Variants in GRIP1 observed in about 807,000 individuals in gnomAD.
GRIP1 encodes the protein glutamate receptor-interacting protein 1.
Under a neutral mutation model 129.9 loss-of-function variants are expected in GRIP1, and 45 were observed. The observed-to-expected ratio is 0.35, with a 90% CI of 0.27 to 0.44. GRIP1 has a LOEUF of 0.44. Ranked by LOEUF, GRIP1 falls within the 20% of genes least tolerant of loss-of-function variation. GRIP1 has a pLI of 1.00. For missense variants in GRIP1, 1,196 were observed against 1,396.8 expected (o/e 0.86, Z 2.29); for synonymous variants, 530 against 520.8 (o/e 1.02, Z -0.24).
chr12:66,793,990 A>G (rs2038622659), intron 1 of GRIP1, among the ~76,000 whole-genome samples: 1 of 152,196 alleles, frequency 6.6e-6, no homozygotes, highest in South Asian at 2.1e-4. Context: ...ATCAAGCATA[A>G]TAAACTTCGT....
At chr12:66,852,698 T>C (rs1312583287) in intron 1 of GRIP1, among the ~76,000 whole-genome samples, 6 of 151,814 alleles carry the variant, frequency 4.0e-5, no homozygotes, top group Admixed American at 6.6e-5. Context: ...TAAAATGTAT[T>C]TTCCAAATGC....
chr12:66,474,455 T>G, intron 7 of GRIP1, among the ~76,000 whole-genome samples: 1 of 152,026 alleles, frequency 6.6e-6, no homozygotes, highest in Non-Finnish European at 1.5e-5. Context: ...AGGCCAACAT[T>G]CAAATTCAGG....
intron 1 of GRIP1, among the ~76,000 whole-genome samples, chr12:66,889,645 C>T (rs945745422): frequency 6.6e-6 from 1 of 152,156 alleles, no homozygotes; most frequent in Non-Finnish European, 1.5e-5. Flanking sequence ...AGCTAATTGA[C>T]TTCCAAATTT....
At chr12:67,026,886 T>A (rs1186482234) in intron 1 of GRIP1, among the ~76,000 whole-genome samples, 1 of 152,190 alleles carries the variant, frequency 6.6e-6, no homozygotes, top group Non-Finnish European at 1.5e-5. Flanking sequence ...TGTTGTGAAT[T>A]CCCATCCAAA....
chr12:67,060,231 A>G (rs1167724954), intron 1 of GRIP1, among the ~76,000 whole-genome samples: 1 of 152,228 alleles, frequency 6.6e-6, no homozygotes, highest in Non-Finnish European at 1.5e-5. Context: ...GGAAAGACAA[A>G]GTGATATCAG....
intron 16 of GRIP1, among the ~76,000 whole-genome samples, chr12:66,401,079 C>G (rs1057094259): frequency 1.3e-5 from 2 of 152,158 alleles, no homozygotes; most frequent in Non-Finnish European, 2.9e-5. Flanking sequence ...ACGACAAATG[C>G]AGAAGCTCCT....
At chr12:66,578,000 T>A (rs2063201452) in intron 2 of GRIP1, among the ~76,000 whole-genome samples, 1 of 152,144 alleles carries the variant, frequency 6.6e-6, no homozygotes, top group Non-Finnish European at 1.5e-5. Flanking sequence ...TTTCTTGAAT[T>A]TAAGGGACTA....
At chr12:66,752,508 C>A (rs1299098626) in intron 1 of GRIP1, among the ~76,000 whole-genome samples, 1 of 152,058 alleles carries the variant, frequency 6.6e-6, no homozygotes, top group Admixed American at 6.6e-5. Flanking sequence ...ATTTTAAATA[C>A]CTAGAGAACA....
chr12:66,529,028 A>G (rs1202451931), intron 5 of GRIP1, among the ~76,000 whole-genome samples: 1 of 152,214 alleles, frequency 6.6e-6, no homozygotes, highest in Non-Finnish European at 1.5e-5. Context: ...AATGGCCAAC[A>G]AACATATGAA....
Position 66,348,979 on chromosome 12 carries a change from T to G in GRIP1, c.*40A>C. 8 of 1,330,116 alleles carry G rather than the reference T, an allele frequency of 6.0e-6. No individual in the cohort carries two copies. Among genetic ancestry groups the G allele is most frequent in the South Asian group, 2.3e-5 (2 of 85,556 alleles). 82.4% of individuals were successfully genotyped at this position (1,330,116 alleles called of 1,614,324 possible). ...AAATCTTAAAGGATTTTTAGCACCA[T>G]GTAGATATTGTCTTTTGTCCTGCTT... On this transcript the variant is annotated 3_prime_UTR_variant, in exon 25 of 25. Coordinates refer to ENST00000359742, the MANE Select transcript of GRIP1 (RefSeq NM_001366722.1).
chr12:66,398,264 TCTTA>T (rs1221505150), intron 16 of GRIP1, among the ~76,000 whole-genome samples: 1 of 149,862 alleles, frequency 6.7e-6, no homozygotes, highest in African/African-American at 2.6e-5. Flanking sequence ...TATGTTACTC[TCTTA>T]CTTAAAGCTT....
intron 1 of GRIP1, among the ~76,000 whole-genome samples, chr12:66,621,854 G>A (rs1464557637): frequency 1.3e-5 from 2 of 152,092 alleles, no homozygotes; most frequent in Non-Finnish European, 1.5e-5. Flanking sequence ...GTATTGCTGA[G>A]TATCTTTTCT....
chr12:66,841,665 T>C (rs947743750), intron 1 of GRIP1, among the ~76,000 whole-genome samples: 1 of 151,862 alleles, frequency 6.6e-6, no homozygotes, highest in African/African-American at 2.4e-5. Flanking sequence ...TCAAGTGGGG[T>C]TTCATGAAAT....
intron 13 of GRIP1, among the ~76,000 whole-genome samples, chr12:66,432,938 A>C (rs1421090778): frequency 6.6e-6 from 1 of 152,208 alleles, no homozygotes; most frequent in Non-Finnish European, 1.5e-5. Flanking sequence ...GAATAATTCC[A>C]ATCTATGAAT....
intron 1 of GRIP1, among the ~76,000 whole-genome samples, chr12:66,646,655 T>A (rs1157645082): frequency 6.6e-6 from 1 of 152,212 alleles, no homozygotes; most frequent in African/African-American, 2.4e-5. Context: ...TATTTTTATT[T>A]GCTACGTTAA....
At chr12:66,608,810 G>A (rs1461086008) in intron 1 of GRIP1, among the ~76,000 whole-genome samples, 1 of 152,046 alleles carries the variant, frequency 6.6e-6, no homozygotes, top group Non-Finnish European at 1.5e-5. Context: ...ACAAAGCAGT[G>A]TAAATAAAGT....
intron 7 of GRIP1, among the ~76,000 whole-genome samples, chr12:66,483,436 A>T (rs1433171263): frequency 6.6e-6 from 1 of 152,152 alleles, no homozygotes; most frequent in Non-Finnish European, 1.5e-5. Context: ...TTCCCCAGGG[A>T]GTTAAAGGAG....
intron 1 of GRIP1, among the ~76,000 whole-genome samples, chr12:66,693,932 A>C (rs941314794): frequency 2.0e-5 from 3 of 152,142 alleles, no homozygotes; most frequent in African/African-American, 7.2e-5. Context: ...CTTTATAACA[A>C]AACACCACAC....
intron 1 of GRIP1, among the ~76,000 whole-genome samples, chr12:66,738,298 C>T (rs895804055): frequency 6.6e-6 from 1 of 151,836 alleles, no homozygotes; most frequent in Non-Finnish European, 1.5e-5. Flanking sequence ...AGGCTCACTG[C>T]AAGCTCCGCC....
Sources: gnomAD v4.1 joint callset for allele counts (sites outside exome capture counted in the v4.1 genomes callset) on GRCh38, gnomAD v4.1.1 for gene constraint, MANE v1.5 for transcripts, NCBI Gene and HGNC (gene_info 2026-07-23, HGNC 2026-07-21) for gene names.